CCDC125: variants seen among roughly 807,000 people sequenced by gnomAD.
CCDC125 encodes the protein coiled-coil domain-containing protein 125.
Under a neutral mutation model 57.4 loss-of-function variants are expected in CCDC125, and 43 were observed. The observed-to-expected ratio is 0.75, with a 90% confidence interval of 0.59 to 0.97. The LOEUF (loss-of-function observed/expected upper bound fraction) is 0.97. CCDC125 is among the 50% of genes least tolerant of loss of function. CCDC125 has a pLI of 0.00. For synonymous variants in CCDC125, 187 were observed against 195.2 expected (o/e 0.96, Z 0.35); for missense variants, 563 against 595.7 (o/e 0.95, Z 0.57).
Position 69,300,016 on chromosome 5 carries a change from A to C in CCDC125, c.812T>G (p.Leu271Arg), listed in dbSNP as rs779704848. The C allele has an allele frequency of 1.9e-6, 3 of 1,612,632 alleles. No individual in the cohort carries two copies. The Admixed American group carries it at 5.0e-5, about 27-fold the overall frequency. The change falls in exon 8 of 12, where the codon CTT becomes CGT. Residue 271 changes from leucine (L) to arginine (R), a missense_variant. By Grantham distance (102) the Leu-to-Arg change is moderately radical. Transcript: ENST00000396496. ...CTTTCCTGCATGCTTACCTACCTCA[A>C]GACCTGAAGCCTCTGCAAAGCCACT... Reference protein sequence around the residue: ...DKSGFAEASGLELAVLGACLC... With the variant: ...DKSGFAEASGRELAVLGACLC...
At chr5:69,286,234 A>ATATATAT (rs1554071341) in intron 10 of CCDC125, among the ~76,000 whole-genome samples, 288 of 48,216 alleles carry the variant, frequency 6.0e-3, no homozygotes, top group Non-Finnish European at 7.9e-3. Context: ...ATATATATAT[A>ATATATAT]ATTTTTTTTT....
rs970077625 is a variant in CCDC125, at chr5:69,327,495, T to C, written c.-41+5154A>G. Among the ~76,000 whole-genome samples, 3 of 152,342 alleles carry C rather than the reference T, an allele frequency of 2.0e-5. No homozygotes were observed. In the East Asian group the frequency reaches 5.8e-4, roughly 29 times the overall value. ...ATTACTTCCAAGAAAGTGAAAATAT[T>C]TGAAGTCACTAAACTATCCAACCAG... is the stretch of plus-strand genomic sequence containing the variant. On this transcript the variant is annotated intron_variant, in intron 1 of 11. Transcript: ENST00000396496.
intron 1 of CCDC125, among the ~76,000 whole-genome samples, chr5:69,321,426 T>A (rs1760002705): frequency 6.6e-6 from 1 of 152,178 alleles, no homozygotes; most frequent in Non-Finnish European, 1.5e-5. Context: ...GTTAGGCAAT[T>A]TTGTCGTTGT....
rs1753138423 is a variant in CCDC125 at position 69,285,234 on chromosome 5, T to C, written c.1230+103A>G. ...TTTAAGAAAGTTTACGAATTTGTGT[T>C]GGGCCACATTCAAAGCTGTTCTGGG... On this transcript the variant is annotated intron_variant, in intron 11 of 11. Coordinates refer to ENST00000396496, the MANE Select transcript of CCDC125 (RefSeq NM_176816.5). 5 of 1,067,988 alleles carry C rather than the reference T, an allele frequency of 4.7e-6. No homozygotes were observed. In the South Asian group the frequency reaches 6.4e-5, roughly 14 times the overall value. 66.2% of individuals were successfully genotyped at this position (1,067,988 alleles called of 1,614,324 possible).
At chr5:69,309,163 A>C (rs1412345975) in intron 4 of CCDC125, 1 of 152,254 alleles carries the variant, frequency 6.6e-6, no homozygotes, top group Non-Finnish European at 1.5e-5. Context: ...CCATTTTCTA[A>C]GGATAAATTC....
At chr5:69,279,003 G>A (rs1214396623), downstream of CCDC125, among the ~76,000 whole-genome samples, 3 of 151,522 alleles carry the variant, frequency 2.0e-5, no homozygotes, top group Non-Finnish European at 4.4e-5. Flanking sequence ...AAGTAGCTGG[G>A]ATTACAAATG....
At chr5:69,290,398 G>A (rs1215565547) in intron 10 of CCDC125, among the ~76,000 whole-genome samples, 1 of 151,152 alleles carries the variant, frequency 6.6e-6, no homozygotes, top group Admixed American at 6.6e-5. Flanking sequence ...TGCCTTCCAG[G>A]TTCAAGCGAT....
rs748161704 is a variant in CCDC125, at chr5:69,292,336, T to C, written c.951A>G (p.Glu317=). Residue 317 remains glutamate, a synonymous_variant, in exon 10 of 12, where the codon GAA becomes GAG. Transcript: ENST00000396496. ...AAGCATCTGCCATCACGTAAGCTTC[T>C]TCTTTACTCTTCTGCAAAATTTCCA... ...QELEILQKSK[E]EAYVMADAFR... is the part of the protein sequence containing the mutation. The C allele has an allele frequency of 6.2e-7, 1 of 1,612,530 alleles. No homozygotes were observed. Among genetic ancestry groups the C allele is most frequent in the Non-Finnish European group, 8.5e-7 (1 of 1,179,714 alleles).
the CCDC125 span, chr5:69,273,050 G>T: frequency 6.7e-7 from 1 of 1,494,356 alleles, no homozygotes; most frequent in South Asian, 1.5e-5. Context: ...AGGTATTTTG[G>T]TGTATCTTTT....
At position 69,280,742 on chromosome 5, in the gene CCDC125, T is replaced by G. The variant is rs1302978442; in HGVS notation, c.*1987A>C. ...TCATTTGCTTTATCTTATGGATCTCTCCATTTTGTAGAGTATTCCATTGTA... is the reference window on the plus strand; with the variant it reads ...TCATTTGCTTTATCTTATGGATCTCGCCATTTTGTAGAGTATTCCATTGTA... On this transcript the variant is annotated 3_prime_UTR_variant, in exon 12 of 12. Transcript: ENST00000396496. 1 of 152,252 alleles carries G rather than the reference T, an allele frequency of 6.6e-6. No individual in the cohort carries two copies. Among genetic ancestry groups the G allele is most frequent in the Admixed American group, 6.5e-5 (1 of 15,276 alleles). The allele number at this position is 152,252 out of a possible 1,614,324, so 9.4% of individuals were successfully genotyped here.
chr5:69,330,685 A>G (rs978340622), intron 1 of CCDC125, among the ~76,000 whole-genome samples: 2 of 151,808 alleles, frequency 1.3e-5, no homozygotes, highest in African/African-American at 4.8e-5. Flanking sequence ...GCTCCAAAAC[A>G]CTCAGGAGCA....
At chr5:69,283,668 G>A (rs956456039) in intron 11 of CCDC125, among the ~76,000 whole-genome samples, 10 of 151,180 alleles carry the variant, frequency 6.6e-5, no homozygotes, top group East Asian at 1.9e-4. Flanking sequence ...GACTATAGGC[G>A]TGCACCACCA....
At chr5:69,307,826 C>T (rs1161244011) in intron 5 of CCDC125, 125 bp downstream of exon 5, 1 of 688,676 alleles carries the variant, frequency 1.5e-6, no homozygotes, top group Non-Finnish European at 2.6e-6. Context: ...GGAAGACCAT[C>T]AGAACTGAAG....
At chr5:69,324,926 CA>C (rs1760537688) in intron 1 of CCDC125, among the ~76,000 whole-genome samples, 1 of 152,138 alleles carries the variant, frequency 6.6e-6, no homozygotes, top group Non-Finnish European at 1.5e-5. Context: ...TGATGGTAAA[CA>C]AATTAATGGT....
rs746879277 is a variant in CCDC125 at position 69,285,176 on chromosome 5, AT to A, written c.1230+160del. On this transcript the variant is annotated intron_variant, in intron 11 of 11. Coordinates refer to ENST00000396496, the MANE Select transcript of CCDC125 (RefSeq NM_176816.5). ...TAATGATAGCTGATGAACTAAAAAA[AT>A]ATATATATATATCAAAAAGATCTCA... is the stretch of plus-strand genomic sequence containing the variant. Among the ~76,000 whole-genome samples, 7 of 151,854 alleles carry A rather than the reference AT, an allele frequency of 4.6e-5. No individual in the cohort carries two copies. In the South Asian group the frequency reaches 1.2e-3, roughly 27 times the overall value.
intron 10 of CCDC125, among the ~76,000 whole-genome samples, chr5:69,291,412 T>C (rs1754439208): frequency 6.6e-6 from 1 of 152,014 alleles, no homozygotes; most frequent in African/African-American, 2.4e-5. Context: ...CCCAGTGCAG[T>C]GGCGCGATCT....
At chr5:69,273,098 A>G in the CCDC125 span, 1 of 1,159,626 alleles carries the variant, frequency 8.6e-7, no homozygotes, top group Non-Finnish European at 1.2e-6. Flanking sequence ...TAACTGTAGC[A>G]TTGATAAAAA....
rs1264681406 is a variant in CCDC125, at chr5:69,303,821, G to A, written c.700+26C>T. On this transcript the variant is annotated intron_variant, in intron 7 of 11. Coordinates refer to ENST00000396496, the MANE Select transcript of CCDC125 (RefSeq NM_176816.5). ...GCATGTTATCTTTATTGATACATGT[G>A]CTCTTAATACAAAAATCATCATTAC... 13 of 1,300,318 alleles carry A rather than the reference G, an allele frequency of 1.0e-5. No individual in the cohort carries two copies. The East Asian group carries it at 3.0e-4, about 30-fold the overall frequency. The allele number at this position is 1,300,318 out of a possible 1,614,324, so 80.5% of individuals were successfully genotyped here.
chr5:69,280,501 A>G lies in CCDC125; in HGVS notation c.*2228T>C, dbSNP rs1752411297. The G allele has an allele frequency of 6.6e-6, 1 of 152,242 alleles. No homozygotes were observed. Among genetic ancestry groups the G allele is most frequent in the Admixed American group, 6.5e-5 (1 of 15,288 alleles). The allele number at this position is 152,242 out of a possible 1,614,324, so 9.4% of individuals were successfully genotyped here. ...AAACTCCCATAAAGGGAGTTTCTCC[A>G]GCAATAATCAATGCTGTCTCACCCT... On this transcript the variant is annotated 3_prime_UTR_variant, in exon 12 of 12. Coordinates refer to ENST00000396496, the MANE Select transcript of CCDC125 (RefSeq NM_176816.5).
Sources: allele counts gnomAD v4.1 joint callset (sites outside exome capture counted in the v4.1 genomes callset), GRCh38; gene constraint gnomAD v4.1.1; transcripts MANE v1.5; gene names NCBI Gene and HGNC (gene_info 2026-07-23, HGNC 2026-07-21).